MTMR8: variants seen among roughly 807,000 people sequenced by gnomAD.
MTMR8 encodes the protein myotubularin related protein 8.
A neutral mutation model predicts 39.3 loss-of-function variants in MTMR8; 65 were observed. That is an observed-to-expected ratio of 1.65 (90% CI 1.35 to 2.03). The LOEUF (loss-of-function observed/expected upper bound fraction) is 2.03, where lower values mean the gene tolerates loss of function less well. Among genes scored for constraint, MTMR8 ranks in the 30% most tolerant of loss-of-function variants. MTMR8 has a pLI of 0.00. For synonymous variants in MTMR8, 245 were observed against 185.2 expected (o/e 1.32, Z -2.62); for missense variants, 777 against 538.9 (o/e 1.44, Z -4.37).
intron 8 of MTMR8, among the ~76,000 whole-genome samples, chrX:64,340,927 G>A (rs928063851): frequency 8.9e-6 from 1 of 112,226 alleles, no homozygotes; most frequent in Non-Finnish European, 1.9e-5. Context: ...ATGGAAACTG[G>A]TATTACCTAC....
intron 7 of MTMR8, 95 bp from the exon 8 acceptor site, chrX:64,343,815 G>A (rs753852895): frequency 1.7e-6 from 1 of 584,523 alleles, no homozygotes; most frequent in East Asian, 3.6e-5. Context: ...AAGTGAGGAA[G>A]CTGAGGCAGA....
intron 11 of MTMR8, among the ~76,000 whole-genome samples, chrX:64,330,490 C>A (rs902621203): frequency 8.9e-6 from 1 of 112,022 alleles, no homozygotes; most frequent in Non-Finnish European, 1.9e-5. Context: ...ACTACTAACT[C>A]AGCCAACAGC....
At chrX:64,374,659 C>G (rs980679271) in intron 1 of MTMR8, among the ~76,000 whole-genome samples, 1 of 111,513 alleles carries the variant, frequency 9.0e-6, no homozygotes, top group East Asian at 2.8e-4. Flanking sequence ...GGTTGAATGG[C>G]AGCCTCCTGA....
intron 12 of MTMR8, among the ~76,000 whole-genome samples, chrX:64,300,545 G>T (rs1173592254): frequency 1.0e-4 from 11 of 107,948 alleles, no homozygotes; most frequent in African/African-American, 3.7e-4. Flanking sequence ...GCCAGTCTGT[G>T]TCTTTTAATT....
chrX:64,344,126 C>T (rs1390952490), intron 7 of MTMR8, among the ~76,000 whole-genome samples: 1 of 106,101 alleles, frequency 9.4e-6, no homozygotes, highest in Non-Finnish European at 1.9e-5. Context: ...TAGCCCTGTT[C>T]TGTCAACAGG....
intron 4 of MTMR8, among the ~76,000 whole-genome samples, chrX:64,352,943 T>C (rs1458804994): frequency 9.0e-6 from 1 of 111,672 alleles, no homozygotes; most frequent in Non-Finnish European, 1.9e-5. Context: ...ACTGTCTTCA[T>C]GATAAAGTTC....
At chrX:64,335,352 G>T (rs912500662) in intron 10 of MTMR8, among the ~76,000 whole-genome samples, 1 of 111,380 alleles carries the variant, frequency 9.0e-6, no homozygotes, top group African/African-American at 3.3e-5. Context: ...GGCTGGTCTC[G>T]AACTCCTGAC....
intron 12 of MTMR8, among the ~76,000 whole-genome samples, chrX:64,304,221 G>T (rs1922001350): frequency 8.9e-6 from 1 of 112,057 alleles, no homozygotes; most frequent in East Asian, 2.8e-4. Flanking sequence ...AACATAAGTT[G>T]CAGAGTAAAC....
At chrX:64,290,390 T>C (rs896107002) in intron 12 of MTMR8, among the ~76,000 whole-genome samples, 3 of 110,876 alleles carry the variant, frequency 2.7e-5, no homozygotes, top group African/African-American at 9.8e-5. Flanking sequence ...ATTTTACTTA[T>C]AACATTTATT....
chrX:64,275,298 T>G (rs1931847035), intron 12 of MTMR8, among the ~76,000 whole-genome samples: 1 of 110,710 alleles, frequency 9.0e-6, no homozygotes, highest in Non-Finnish European at 1.9e-5. Flanking sequence ...TAACTTTATA[T>G]CTCAGGAACT....
At chrX:64,360,522 C>T in intron 1 of MTMR8, 1 of 142,391 alleles carries the variant, frequency 7.0e-6, no homozygotes, top group Non-Finnish European at 1.4e-5. Flanking sequence ...AAAAAAATTC[C>T]CAAAAAGAGA....
chrX:64,383,568 C>T (rs1276934821), intron 1 of MTMR8, among the ~76,000 whole-genome samples: 1 of 109,882 alleles, frequency 9.1e-6, no homozygotes, highest in African/African-American at 3.3e-5. Flanking sequence ...AGGAAACTCA[C>T]AATCATGGTG....
intron 12 of MTMR8, among the ~76,000 whole-genome samples, chrX:64,280,902 C>G (rs982450470): frequency 9.0e-6 from 1 of 110,929 alleles, no homozygotes; most frequent in Non-Finnish European, 1.9e-5. Flanking sequence ...TATACCACCC[C>G]CAACAGACAA....
intron 12 of MTMR8, among the ~76,000 whole-genome samples, chrX:64,271,731 C>A (rs1403708435): frequency 8.9e-6 from 1 of 112,122 alleles, no homozygotes; most frequent in Non-Finnish European, 1.9e-5. Flanking sequence ...GCTTCTGTCT[C>A]ACCTGTTTCA....
At chrX:64,296,802 T>A (rs1394630664) in intron 12 of MTMR8, among the ~76,000 whole-genome samples, 1 of 94,785 alleles carries the variant, frequency 1.1e-5, no homozygotes, top group East Asian at 3.9e-4. Context: ...CATTGTTCAA[T>A]TCCCACCTAT....
At chrX:64,334,963 GCT>G (rs1205023078) in intron 10 of MTMR8, among the ~76,000 whole-genome samples, 1 of 111,435 alleles carries the variant, frequency 9.0e-6, no homozygotes, top group African/African-American at 3.3e-5. Context: ...ATCTGATTCA[GCT>G]CTGTCTTCTC....
At chrX:64,324,729 GCCCTA>G (rs1454081085) in intron 12 of MTMR8, among the ~76,000 whole-genome samples, 2 of 98,099 alleles carry the variant, frequency 2.0e-5, no homozygotes, top group Non-Finnish European at 3.9e-5. Context: ...TTATAAAATG[GCCCTA>G]CCCCTATCTC....
At chrX:64,305,176 G>A (rs1414629473) in intron 12 of MTMR8, 5 of 202,239 alleles carry the variant, frequency 2.5e-5, no homozygotes, top group Middle Eastern at 2.0e-3. Context: ...CATCTCATAG[G>A]CTAATTTGTA....
intron 12 of MTMR8, among the ~76,000 whole-genome samples, chrX:64,309,652 T>C (rs7064503): frequency 0.14 from 15,768 of 111,053 alleles, 2,689 homozygotes; most frequent in African/African-American, 0.48. Flanking sequence ...TCACAAATTA[T>C]GAATTAAATT....
Sources: gnomAD v4.1 joint callset for allele counts (sites outside exome capture counted in the v4.1 genomes callset) on GRCh38, gnomAD v4.1.1 for gene constraint, MANE v1.5 for transcripts, NCBI Gene and HGNC (gene_info 2026-07-23, HGNC 2026-07-21) for gene names.